Variants in TTLL9 observed in about 807,000 individuals in gnomAD.
The protein encoded by TTLL9 is tubulin tyrosine ligase like 9.
In TTLL9, 47 loss-of-function variants were observed where a neutral mutation model predicts 65.6. That is an observed-to-expected ratio of 0.72 (90% confidence interval 0.57 to 0.91). The LOEUF is 0.91. Ranked by LOEUF, TTLL9 falls within the 40% of genes least tolerant of loss-of-function variation. TTLL9 has a pLI of 0.00. For missense variants in TTLL9, 537 were observed against 568.8 expected (o/e 0.94, Z 0.57); for synonymous variants, 179 against 204.8 (o/e 0.87, Z 1.07).
chr20:31,902,109 CTT>C (rs59764711), intron 4 of TTLL9, among the ~76,000 whole-genome samples: 37,053 of 151,594 alleles, frequency 0.24, 5,141 homozygotes, highest in African/African-American at 0.35. Flanking sequence ...ATCATCACCA[CTT>C]TTTTTTTCCC....
At chr20:31,901,761 A>C (rs2063483156) in intron 4 of TTLL9, among the ~76,000 whole-genome samples, 1 of 152,236 alleles carries the variant, frequency 6.6e-6, no homozygotes, top group African/African-American at 2.4e-5. Flanking sequence ...CTCAGCTGAA[A>C]GGTCCTTCCA....
intron 2 of TTLL9, among the ~76,000 whole-genome samples, chr20:31,874,354 T>C (rs910077292): frequency 6.6e-6 from 1 of 151,714 alleles, no homozygotes; most frequent in African/African-American, 2.4e-5. Context: ...TTATATTACA[T>C]GGCAAAGGGT....
intron 4 of TTLL9, among the ~76,000 whole-genome samples, chr20:31,907,229 T>C (rs1433880247): frequency 6.6e-6 from 1 of 152,228 alleles, no homozygotes; most frequent in African/African-American, 2.4e-5. Flanking sequence ...CTCCATTTTC[T>C]CATCTGTAAA....
At chr20:31,891,419 G>A (rs979987195) in intron 3 of TTLL9, among the ~76,000 whole-genome samples, 3 of 151,600 alleles carry the variant, frequency 2.0e-5, no homozygotes, top group Middle Eastern at 3.4e-3. Context: ...TCTCTTTGTC[G>A]TTTCGGGTCT....
Position 31,943,123 on chromosome 20 carries a change from C to T in TTLL9, c.*102C>T, listed in dbSNP as rs1600639795. 2 of 1,121,054 alleles carry T rather than the reference C, an allele frequency of 1.8e-6. No homozygotes were observed. Among genetic ancestry groups the T allele is most frequent in the Non-Finnish European group, 2.7e-6 (2 of 746,952 alleles). The allele number at this position is 1,121,054 out of a possible 1,614,324, so 69.4% of individuals were successfully genotyped here. A position where few individuals can be genotyped will look rare whatever the true frequency, so the allele number is the denominator to read the frequency against. ...CACCTCACAGCATTCGCCTCCCCAC[C>T]TCCAGCCTGGCACCAGCTTTGCTGG... On this transcript the variant is annotated 3_prime_UTR_variant, in exon 15 of 15. Coordinates refer to ENST00000535842, the MANE Select transcript of TTLL9 (RefSeq NM_001008409.5).
At chr20:31,925,875 C>T (rs1284951866) in intron 9 of TTLL9, 174 bp from the exon 10 acceptor site, 6 of 1,551,702 alleles carry the variant, frequency 3.9e-6, no homozygotes, top group Non-Finnish European at 1.7e-6. Flanking sequence ...TGCCTTAGTA[C>T]ATCCCGCTGC....
At chr20:31,898,101 T>C (rs2063412318) in intron 3 of TTLL9, among the ~76,000 whole-genome samples, 1 of 152,202 alleles carries the variant, frequency 6.6e-6, no homozygotes, top group Admixed American at 6.5e-5. Flanking sequence ...ATCTTGAGTT[T>C]TCAGTTGTAT....
In TTLL9 at chr20:31,944,015, T is replaced by C; in HGVS notation, c.*994T>C. On this transcript the variant is annotated 3_prime_UTR_variant, in exon 15 of 15. Transcript: ENST00000535842. ...TTCTCTGGCTGCAAATGGTTGAATC[T>C]GCCTGCCTAGGTCAAGCCCGAAGGG... The C allele has an allele frequency of 2.9e-6, 1 of 350,340 alleles. No individual in the cohort carries two copies. Among genetic ancestry groups the C allele is most frequent in the East Asian group, 7.4e-5 (1 of 13,506 alleles). 21.7% of individuals were successfully genotyped at this position (350,340 alleles called of 1,614,324 possible).
intron 11 of TTLL9, 113 bp from the exon 12 acceptor site, chr20:31,934,579 G>A: frequency 2.0e-6 from 2 of 992,566 alleles, no homozygotes; most frequent in South Asian, 3.3e-5. Flanking sequence ...TCAGGGCTGG[G>A]CCCCTCTTGC....
Position 31,875,835 on chromosome 20 carries a change from C to T in TTLL9, c.69+4640C>T, listed in dbSNP as rs113598535. Among the ~76,000 whole-genome samples the T allele has an allele frequency of 1.7e-3, 254 of 152,208 alleles. 3 individuals are homozygous for T. Among genetic ancestry groups the T allele is most frequent in the African/African-American group, 5.9e-3 (247 of 41,518 alleles). On this transcript the variant is annotated intron_variant, in intron 2 of 14. Transcript: ENST00000535842. ...AGTAGTTAAGTTCCCTTTTCTCTCC[C>T]CACTTCCTTCACTCTCTCCCCAACT... is the stretch of plus-strand genomic sequence containing the variant.
intron 2 of TTLL9, among the ~76,000 whole-genome samples, chr20:31,873,846 AAGAAAGAAAGAAAGAAAG>A (rs2062997903): frequency 1.3e-5 from 2 of 148,818 alleles, no homozygotes; most frequent in Non-Finnish European, 3.0e-5. Flanking sequence ...GAAAGAAAGA[AAGAAAGAAAGAAAGAAAG>A]AAAGAAAGAA....
At chr20:31,880,292 C>T (rs1241346181) in intron 2 of TTLL9, among the ~76,000 whole-genome samples, 1 of 152,158 alleles carries the variant, frequency 6.6e-6, no homozygotes, top group Non-Finnish European at 1.5e-5. Context: ...TCCATCCATC[C>T]GTTTATTCAT....
chr20:31,942,009 G>C (rs2064218618), intron 14 of TTLL9, among the ~76,000 whole-genome samples: 1 of 152,150 alleles, frequency 6.6e-6, no homozygotes, highest in Admixed American at 6.5e-5. Flanking sequence ...TCGAGAGTTA[G>C]GAATGAGCCA....
At chr20:31,894,098 C>CTTTTTTTTTT (rs1162101774) in intron 3 of TTLL9, among the ~76,000 whole-genome samples, 29 of 92,080 alleles carry the variant, frequency 3.1e-4, no homozygotes, top group Non-Finnish European at 4.0e-4. Context: ...CCATTTGGTT[C>CTTTTTTTTTT]TTTTTTTTTT....
In TTLL9 at chr20:31,943,148, G is replaced by C. The variant is rs1467513656; in HGVS notation, c.*127G>C. 4.6e-6 allele frequency: 4 copies of C among 872,820 alleles called. No homozygotes were observed. The highest frequency in any genetic ancestry group is 3.3e-5 in the African/African-American group (2 of 60,586). The allele number at this position is 872,820 out of a possible 1,614,324, so 54.1% of individuals were successfully genotyped here. A position where few individuals can be genotyped will look rare whatever the true frequency, so the allele number is the denominator to read the frequency against. ...CTCCAGCCTGGCACCAGCTTTGCTG[G>C]CTTAGCAGCTGCAGCTTACTACCTG... On this transcript the variant is annotated 3_prime_UTR_variant, in exon 15 of 15. Coordinates refer to ENST00000535842, the MANE Select transcript of TTLL9 (RefSeq NM_001008409.5).
At chr20:31,890,711 A>G (rs2123435443) in intron 3 of TTLL9, among the ~76,000 whole-genome samples, 1 of 152,348 alleles carries the variant, frequency 6.6e-6, no homozygotes, top group East Asian at 1.9e-4. Flanking sequence ...GGGAGAACGT[A>G]GAATGCACTG....
intron 7 of TTLL9, 34 bp downstream of exon 7, chr20:31,919,966 C>T (rs2063792139): frequency 5.3e-6 from 8 of 1,508,778 alleles, no homozygotes; most frequent in African/African-American, 1.4e-5. Context: ...CTCCCTGAAC[C>T]CTCCTCTGAC....
chr20:31,900,693 G>A (rs1440407637), intron 4 of TTLL9, among the ~76,000 whole-genome samples: 12 of 152,208 alleles, frequency 7.9e-5, no homozygotes, highest in Admixed American at 7.9e-4. Context: ...TCCGCACAGG[G>A]TTTCCTTCCC....
intron 3 of TTLL9, among the ~76,000 whole-genome samples, chr20:31,892,665 A>T (rs1200776660): frequency 6.6e-6 from 1 of 152,206 alleles, no homozygotes; most frequent in African/African-American, 2.4e-5. Flanking sequence ...CCTCACAAAG[A>T]TAGTATTTGG....
Sources: allele counts gnomAD v4.1 joint callset (sites outside exome capture counted in the v4.1 genomes callset), GRCh38; gene constraint gnomAD v4.1.1; transcripts MANE v1.5; gene names NCBI Gene and HGNC (gene_info 2026-07-23, HGNC 2026-07-21).